The following CAMK2A variants were observed in gnomAD, a reference collection of about 807,000 sequenced individuals.
CAMK2A encodes the protein calcium/calmodulin dependent protein kinase II alpha.
Under a neutral mutation model 79.2 loss-of-function variants are expected in CAMK2A, and 7 were observed. The observed-to-expected ratio is 0.09, with a 90% CI of 0.05 to 0.17. CAMK2A has a LOEUF of 0.17. Among genes scored for constraint, CAMK2A ranks in the 10% least tolerant of loss-of-function variants. The pLI is 1.00. For synonymous variants in CAMK2A, 242 were observed against 251.7 expected (o/e 0.96, Z 0.36); for missense variants, 214 against 646.4 (o/e 0.33, Z 7.25).
At chr5:150,272,393 C>G (rs1756783336) in intron 2 of CAMK2A, among the ~76,000 whole-genome samples, 1 of 151,998 alleles carries the variant, frequency 6.6e-6, no homozygotes, top group African/African-American at 2.4e-5. Flanking sequence ...GGTGAAACCC[C>G]ATCGCTACTA....
chr5:150,271,222 G>A (rs1756733903), intron 2 of CAMK2A, among the ~76,000 whole-genome samples: 1 of 152,202 alleles, frequency 6.6e-6, no homozygotes, highest in Non-Finnish European at 1.5e-5. Flanking sequence ...CCTGTCTCTA[G>A]TTCCCAGCCT....
At position 150,256,682 on chromosome 5, in the gene CAMK2A, A is replaced by T; in HGVS notation, c.339-37T>A. On this transcript the variant is annotated intron_variant, in intron 5 of 18. Transcript: ENST00000671881. This position sits in a 1 kb window ranked among gnomAD's most constrained non-coding sequence, Gnocchi z 4.6. ...GAGAGGAAGGGGTCATGGTGGTGTG[A>T]GCACAGGCCTCCCCTGGGAAGCTGA... The T allele has an allele frequency of 6.2e-7, 1 of 1,610,032 alleles. No individual in the cohort carries two copies. The highest frequency in any genetic ancestry group is 1.1e-5 in the South Asian group (1 of 90,978).
chr5:150,272,911 C>T (rs1472574715), intron 2 of CAMK2A, among the ~76,000 whole-genome samples, 154 bp downstream of exon 2: 1 of 151,656 alleles, frequency 6.6e-6, no homozygotes, highest in African/African-American at 2.4e-5. Flanking sequence ...AAGGGAAGGT[C>T]TATTCTCATG....
chr5:150,229,323 C>T (rs1477477833), intron 16 of CAMK2A, among the ~76,000 whole-genome samples: 3 of 152,168 alleles, frequency 2.0e-5, no homozygotes, highest in African/African-American at 7.2e-5. Flanking sequence ...AACGGGATGC[C>T]CAGGACCCTT....
chr5:150,270,489 C>T (rs1230425771), intron 2 of CAMK2A, among the ~76,000 whole-genome samples: 5 of 152,256 alleles, frequency 3.3e-5, no homozygotes, highest in Admixed American at 2.0e-4. Flanking sequence ...CCACAGCTCC[C>T]GGGAGGGTGG....
rs772737350 is a variant in CAMK2A at position 150,289,530 on chromosome 5, C to G, written c.62+34G>C. ...TAGAGACCCTGACCTCCCCGCCCCC[C>G]ATGCCTTCCAGGACTTCCTGAGGCA... is the stretch of plus-strand genomic sequence containing the variant. On this transcript the variant is annotated intron_variant, in intron 1 of 18. Coordinates refer to ENST00000671881, the MANE Select transcript of CAMK2A (RefSeq NM_015981.4). 1.9e-6 allele frequency: 3 copies of G among 1,576,862 alleles called. No individual in the cohort carries two copies. The South Asian group carries it at 3.3e-5, about 17-fold the overall frequency.
intron 13 of CAMK2A, among the ~76,000 whole-genome samples, chr5:150,243,453 A>C (rs1363885943): frequency 6.6e-6 from 1 of 152,144 alleles, no homozygotes; most frequent in African/African-American, 2.4e-5. Context: ...CCCTACACAT[A>C]GAGGGATGGC....
chr5:150,275,847 C>T (rs1175830021), intron 1 of CAMK2A, among the ~76,000 whole-genome samples: 5 of 152,074 alleles, frequency 3.3e-5, no homozygotes, highest in South Asian at 2.1e-4. Context: ...CTCCCAGCTC[C>T]GTACTTAAGA....
At chr5:150,242,275 A>G (rs1755380405) in intron 13 of CAMK2A, among the ~76,000 whole-genome samples, 1 of 152,210 alleles carries the variant, frequency 6.6e-6, no homozygotes, top group Non-Finnish European at 1.5e-5. Flanking sequence ...TGAAAGTAGA[A>G]ATCTCCCTCT....
intron 17 of CAMK2A, among the ~76,000 whole-genome samples, chr5:150,225,090 G>A (rs1754537226): frequency 1.3e-5 from 2 of 151,336 alleles, no homozygotes; most frequent in South Asian, 4.2e-4. Context: ...GAGAGAGAGA[G>A]AGAGACAATG....
intron 16 of CAMK2A, 152 bp from the exon 17 acceptor site, chr5:150,228,438 A>G: frequency 1.6e-6 from 1 of 617,742 alleles, no homozygotes; most frequent in Non-Finnish European, 2.9e-6. Flanking sequence ...CAAGTTATAA[A>G]GTATGGGATA....
intron 2 of CAMK2A, among the ~76,000 whole-genome samples, chr5:150,266,920 CTCCCCTT>C (rs763156082): frequency 1.2e-4 from 19 of 152,172 alleles, no homozygotes; most frequent in Non-Finnish European, 2.2e-4. Context: ...AGGAATCCAG[CTCCCCTT>C]TCCCCTGCCC....
chr5:150,227,471 G>A (rs1349256904), intron 17 of CAMK2A, among the ~76,000 whole-genome samples: 1 of 152,080 alleles, frequency 6.6e-6, no homozygotes, highest in East Asian at 1.9e-4. Context: ...CACTTCTTAG[G>A]TCCTTCCTCC....
chr5:150,251,061 G>A (rs1374268578), intron 9 of CAMK2A, among the ~76,000 whole-genome samples: 1 of 152,224 alleles, frequency 6.6e-6, no homozygotes, highest in African/African-American at 2.4e-5. Flanking sequence ...CAGAGCAGCC[G>A]GTCAGTGGCT....
chr5:150,245,349 C>CTCT, intron 12 of CAMK2A, 148 bp from the exon 13 acceptor site: 2 of 570,196 alleles, frequency 3.5e-6, no homozygotes, highest in Non-Finnish European at 5.8e-6. Context: ...CCTCCTCCTC[C>CTCT]TCCTCCTCCT....
At chr5:150,257,153 A>G (rs1331547410) in intron 4 of CAMK2A, among the ~76,000 whole-genome samples, 4 of 152,164 alleles carry the variant, frequency 2.6e-5, no homozygotes, top group Admixed American at 1.3e-4. Flanking sequence ...CCCATGATCA[A>G]TATCTCAAAG....
chr5:150,283,002 C>T (rs1757277382), intron 1 of CAMK2A, among the ~76,000 whole-genome samples: 1 of 152,232 alleles, frequency 6.6e-6, no homozygotes, highest in African/African-American at 2.4e-5. Context: ...GCCCCTCAGG[C>T]CCCAGGACAT....
rs1238789364 is a variant in CAMK2A at position 150,247,791 on chromosome 5, C to A, written c.924G>T (p.Leu308=). 1.9e-6 allele frequency: 3 copies of A among 1,612,622 alleles called. No individual in the cohort carries two copies. The Admixed American group carries it at 5.0e-5, about 27-fold the overall frequency. Residue 308 remains leucine (L), a synonymous_variant, in exon 12 of 19, where the codon CTG becomes CTT. Coordinates refer to ENST00000671881, the MANE Select transcript of CAMK2A (RefSeq NM_015981.4). ...KLKGAILTTM[L]ATRNFSGGKS... is the part of the protein sequence containing the mutation. Reference sequence around the variant, plus strand: ...ACCTACCGGAGAAGTTCCTGGTGGCCAGCATCGTGGTGAGAATGGCTCCCT... The same window carrying A: ...ACCTACCGGAGAAGTTCCTGGTGGCAAGCATCGTGGTGAGAATGGCTCCCT...
In CAMK2A at chr5:150,223,208, C is replaced by T. The variant is rs1161905638; in HGVS notation, c.1247G>A (p.Arg416Gln). Residue 416 changes from arginine to glutamine, a missense_variant, in exon 18 of 19, where the codon CGG (arginine) becomes CAG (glutamine). By Grantham distance (43) the Arg-to-Gln change is conservative (BLOSUM62 1). This residue lies in a region of CAMK2A where 123 missense variants were observed against 242.4 expected (regional missense o/e 0.51). Transcript: ENST00000671881. This position sits in a 1 kb window ranked among gnomAD's most constrained non-coding sequence, Gnocchi z 4.1. ...HRFYFENLWS[R>Q]NSKPVHTTIL... ...GGTGGTGTGCACGGGCTTGCTGTTC[C>T]GGGACCACACTGGAGGAGGGGATGG... 4.3e-6 allele frequency: 7 copies of T among 1,613,318 alleles called. No individual in the cohort carries two copies. Among genetic ancestry groups the T allele is most frequent in the African/African-American group, 1.3e-5 (1 of 75,032 alleles).
Sources: gnomAD v4.1 joint callset for allele counts (sites outside exome capture counted in the v4.1 genomes callset) on GRCh38, gnomAD v4.1.1 for gene constraint, gnomAD v4.1.1 regional missense constraint, Gnocchi (gnomAD v3.1) non-coding constraint, MANE v1.5 for transcripts, NCBI Gene and HGNC (gene_info 2026-07-23, HGNC 2026-07-21) for gene names.